RNF17: variants seen among roughly 807,000 people sequenced by gnomAD.
RNF17 encodes ring finger protein 17, also known as spermatogenesis associated 23.
RNF17 carries 31 observed loss-of-function variants against 200.5 expected under a neutral mutation model. The observed-to-expected ratio is 0.15, with a 90% CI of 0.12 to 0.21. RNF17 has a LOEUF of 0.21. Among genes scored for constraint, RNF17 ranks in the 10% least tolerant of loss-of-function variants. The probability of loss-of-function intolerance (pLI) is 1.00; values close to 1 mark genes in which losing one functional copy is unlikely to be tolerated. For synonymous variants in RNF17, 606 were observed against 637.8 expected, an observed-to-expected ratio of 0.95 and a Z score of 0.75; for missense variants, 1,628 against 1,905.1, an observed-to-expected ratio of 0.85 and a Z score of 2.71.
At chr13:24,761,336 A>C (rs1294837616), upstream of RNF17, among the ~76,000 whole-genome samples, 4 of 152,234 alleles carry the variant, frequency 2.6e-5, no homozygotes, top group Non-Finnish European at 5.9e-5. Flanking sequence ...AACAACAACA[A>C]AGAAACCTAA....
In RNF17 at chr13:24,802,513, A is replaced by T; in HGVS notation, c.1891A>T (p.Ile631Leu). 1 of 1,614,108 alleles carries T rather than the reference A, an allele frequency of 6.2e-7. No homozygotes were observed. Among genetic ancestry groups the T allele is most frequent in the Non-Finnish European group, 8.5e-7 (1 of 1,179,976 alleles). The change falls in exon 14 of 36, where the codon ATA (isoleucine) becomes TTA (leucine). Residue 631 changes from isoleucine (I) to leucine (L), a missense_variant. Around this residue, in one of 5 missense-constraint regions of RNF17, gnomAD observed 289 missense variants for 384.9 expected, o/e 0.75. Transcript: ENST00000255324. ...TCTGCAAAAACCACCACCGAATAAA[A>T]TAAGCAGTGATATGCCTGTGTCTCT... ...VDLQKPPPNK[I>L]SSDMPVSLRD...
intron 2 of RNF17, among the ~76,000 whole-genome samples, chr13:24,768,050 G>A (rs947322603): frequency 6.6e-6 from 1 of 151,790 alleles, no homozygotes; most frequent in Non-Finnish European, 1.5e-5. Flanking sequence ...CTCAACCTTT[G>A]TGTGTCATCA....
At chr13:24,828,201 G>C (rs542403371) in intron 16 of RNF17, among the ~76,000 whole-genome samples, 1 of 151,536 alleles carries the variant, frequency 6.6e-6, no homozygotes, top group Non-Finnish European at 1.5e-5. Context: ...TCTTTGAGTA[G>C]TAACATTTGG....
intron 13 of RNF17, among the ~76,000 whole-genome samples, chr13:24,801,372 G>A (rs1885227999): frequency 6.6e-6 from 1 of 152,092 alleles, no homozygotes; most frequent in African/African-American, 2.4e-5. Context: ...GCTGGTTTTG[G>A]TGGCCCAAGG....
At chr13:24,814,356 G>A (rs1887138775) in intron 15 of RNF17, among the ~76,000 whole-genome samples, 1 of 152,132 alleles carries the variant, frequency 6.6e-6, no homozygotes, top group Non-Finnish European at 1.5e-5. Flanking sequence ...TCTTGATAGT[G>A]TCCTTTGTTC....
chr13:24,759,741 A>G (rs1878533409), upstream of RNF17, among the ~76,000 whole-genome samples: 2 of 152,214 alleles, frequency 1.3e-5, no homozygotes, highest in Admixed American at 1.3e-4. Flanking sequence ...TGAGAGAGGG[A>G]GAGATAAGAA....
downstream of RNF17, chr13:24,883,086 A>G (rs575073064): frequency 1.7e-6 from 2 of 1,164,056 alleles, no homozygotes; most frequent in East Asian, 2.3e-5. Flanking sequence ...TTCCCCACAC[A>G]TACACAATAA....
At chr13:24,822,357 A>C (rs1197902583) in intron 15 of RNF17, among the ~76,000 whole-genome samples, 4 of 152,118 alleles carry the variant, frequency 2.6e-5, no homozygotes, top group African/African-American at 9.7e-5. Context: ...TTTCACTGAA[A>C]AGGAAAACCT....
rs1315853263 is a variant in RNF17, at chr13:24,825,702, C to T, written c.2175C>T (p.Leu725=). 1 of 1,613,406 alleles carries T rather than the reference C, an allele frequency of 6.2e-7. No individual in the cohort carries two copies. Among genetic ancestry groups the T allele is most frequent in the Non-Finnish European group, 8.5e-7 (1 of 1,179,484 alleles). The change falls in exon 16 of 36, where the codon CTC becomes CTT. Residue 725 remains leucine, a synonymous_variant. Transcript: ENST00000255324. ...AAGATGGAGAAAATCTGGAAATCCT[C>T]TGTCCAGTTCAAGATCAAGCCTGTG... is the stretch of plus-strand genomic sequence containing the variant. ...KSEDGENLEI[L]CPVQDQACVA... is the part of the protein sequence containing the mutation.
chr13:24,842,879 C>G (rs144394062), intron 19 of RNF17, among the ~76,000 whole-genome samples: 2 of 151,626 alleles, frequency 1.3e-5, no homozygotes, highest in Non-Finnish European at 2.9e-5. Flanking sequence ...CCCAGCTACT[C>G]GGGAGGCTGA....
intron 31 of RNF17, among the ~76,000 whole-genome samples, chr13:24,869,210 A>C (rs1443527721): frequency 6.6e-6 from 1 of 152,224 alleles, no homozygotes; most frequent in African/African-American, 2.4e-5. Flanking sequence ...GAATAAAGGC[A>C]CTAAAAGTTC....
intron 33 of RNF17, among the ~76,000 whole-genome samples, chr13:24,876,637 T>C (rs1894884597): frequency 7.0e-6 from 1 of 142,140 alleles, no homozygotes; most frequent in African/African-American, 2.5e-5. Context: ...AGGTGGAGTC[T>C]CACTTTGGAT....
chr13:24,811,130 T>C (rs1886551148), intron 15 of RNF17, among the ~76,000 whole-genome samples: 2 of 151,252 alleles, frequency 1.3e-5, no homozygotes, highest in African/African-American at 4.8e-5. Context: ...TTGGAGTTGC[T>C]CTTCTCGAGG....
In RNF17 at chr13:24,796,504, A is replaced by G. The variant is rs998406078; in HGVS notation, c.1399+209A>G. On this transcript the variant is annotated intron_variant, in intron 11 of 35. Coordinates refer to ENST00000255324, the MANE Select transcript of RNF17 (RefSeq NM_031277.3). ...ATGTTGGCACATTTTTTAGAGTGAG[A>G]TATGTACAGAAACTCCATTATGTAG... Among the ~76,000 whole-genome samples the G allele has an allele frequency of 5.3e-5, 8 of 152,182 alleles. No individual in the cohort carries two copies. The East Asian group carries it at 1.3e-3, about 26-fold the overall frequency.
At chr13:24,815,771 G>C (rs1356845392) in intron 15 of RNF17, among the ~76,000 whole-genome samples, 2 of 152,142 alleles carry the variant, frequency 1.3e-5, no homozygotes, top group East Asian at 3.9e-4. Context: ...GAGTGTTTTT[G>C]TCAAGAAAGG....
chr13:24,767,175 G>A (rs1879818355), intron 1 of RNF17, 97 bp from the exon 2 acceptor site: 2 of 772,734 alleles, frequency 2.6e-6, no homozygotes, highest in Admixed American at 2.1e-5. Context: ...GCTGCAGTGA[G>A]CTGGTGCCAC....
chr13:24,821,983 T>A (rs576834712), intron 15 of RNF17, among the ~76,000 whole-genome samples: 1 of 152,250 alleles, frequency 6.6e-6, no homozygotes, highest in South Asian at 2.1e-4. Context: ...AACAGCTCTG[T>A]CTCTAGTGAG....
chr13:24,851,618 C>T (rs769003977), intron 24 of RNF17, 47 bp downstream of exon 24: 2 of 1,111,454 alleles, frequency 1.8e-6, no homozygotes, highest in Admixed American at 4.1e-5. Context: ...TGATGGATGC[C>T]TCAGTTGCGT....
At chr13:24,854,321 A>C (rs1422100023) in intron 25 of RNF17, among the ~76,000 whole-genome samples, 177 bp downstream of exon 25, 2 of 152,216 alleles carry the variant, frequency 1.3e-5, no homozygotes, top group African/African-American at 4.8e-5. Context: ...CATTTAATGC[A>C]GTTTTTCATT....
Sources: allele counts gnomAD v4.1 joint callset (sites outside exome capture counted in the v4.1 genomes callset), GRCh38; gene constraint gnomAD v4.1.1; regional missense constraint gnomAD v4.1.1; transcripts MANE v1.5; gene names NCBI Gene and HGNC (gene_info 2026-07-23, HGNC 2026-07-21).